The following FMR1 variants were observed in gnomAD, a reference collection of about 807,000 sequenced individuals.
The protein encoded by FMR1 is FMRP translational regulator 1.
A neutral mutation model predicts 50.6 loss-of-function variants in FMR1; 13 were observed. The ratio of observed to expected loss-of-function variants is 0.26; its 90% CI spans 0.17 to 0.41. FMR1 has a LOEUF of 0.41. FMR1 is among the 10% of genes least tolerant of loss of function. The pLI is 1.00. For missense variants in FMR1, 316 were observed against 491.3 expected, an observed-to-expected ratio of 0.64 and a Z score of 3.37; for synonymous variants, 138 against 164.1, an observed-to-expected ratio of 0.84 and a Z score of 1.22.
intron 14 of FMR1, 39 bp from the exon 15 acceptor site, chrX:147,944,828 TTA>T (rs2124571490): frequency 1.7e-6 from 2 of 1,186,394 alleles, no homozygotes; most frequent in Non-Finnish European, 2.3e-6. Flanking sequence ...TTTTTTTTTT[TTA>T]AAGTCAGACA....
chrX:147,925,491 G>A (rs1557177356), intron 2 of FMR1, 49 bp from the exon 3 acceptor site: 2 of 950,953 alleles, frequency 2.1e-6, no homozygotes, highest in South Asian at 3.9e-5. Flanking sequence ...CATTATTTCA[G>A]TTAAACATGA....
intron 2 of FMR1, among the ~76,000 whole-genome samples, chrX:147,922,898 ATGT>A (rs1200334284): frequency 9.0e-6 from 1 of 111,715 alleles, no homozygotes; most frequent in African/African-American, 3.3e-5. Flanking sequence ...GGCAATGAAA[ATGT>A]TGTAAAATTG....
At chrX:147,918,916 C>T (rs782670064) in intron 1 of FMR1, among the ~76,000 whole-genome samples, 61 of 110,620 alleles carry the variant, frequency 5.5e-4, no homozygotes, top group Non-Finnish European at 1.0e-3. Flanking sequence ...GCACATGACC[C>T]GTGGCTACTA....
chrX:147,931,593 T>TA (rs2043610356), intron 7 of FMR1, among the ~76,000 whole-genome samples: 1 of 111,755 alleles, frequency 8.9e-6, no homozygotes, highest in Admixed American at 9.5e-5. Flanking sequence ...GAGCCACTAA[T>TA]ACGTTTGGTT....
chrX:147,936,724 T>A, intron 10 of FMR1, 111 bp downstream of exon 10: 2 of 519,121 alleles, frequency 3.9e-6, no homozygotes, highest in Admixed American at 5.5e-5. Context: ...ATATTCTGAT[T>A]ATCAAGCATG....
chrX:147,933,565 G>A (rs782342838), intron 9 of FMR1: 322 of 894,827 alleles, frequency 3.6e-4, no homozygotes, highest in Non-Finnish European at 4.3e-4. Context: ...ATATTTAGGA[G>A]CTCTTCACCA....
chrX:147,925,300 A>G (rs1414379741), intron 2 of FMR1, among the ~76,000 whole-genome samples: 1 of 112,085 alleles, frequency 8.9e-6, no homozygotes, highest in Non-Finnish European at 1.9e-5. Flanking sequence ...ATGTTGCTGT[A>G]TTGTGTTTAG....
chrX:147,946,930 G>A (rs1279979751), intron 16 of FMR1: 1 of 112,152 alleles, frequency 8.9e-6, no homozygotes, highest in African/African-American at 3.2e-5. Context: ...GTAAATTACT[G>A]TATGTACCTG....
At chrX:147,940,501 A>C in intron 12 of FMR1, 75 bp from the exon 13 acceptor site, 1 of 636,071 alleles carries the variant, frequency 1.6e-6, no homozygotes. Flanking sequence ...GTGCTAGGGA[A>C]TTAGTCGTTA....
At chrX:147,942,045 C>T (rs191026612) in intron 13 of FMR1, among the ~76,000 whole-genome samples, 1 of 112,581 alleles carries the variant, frequency 8.9e-6, no homozygotes, top group Admixed American at 9.4e-5. Context: ...GCAGTCTCTC[C>T]TTTGCTCAAA....
Position 147,948,802 on chromosome X carries a change from C to T in FMR1, c.1857C>T (p.Asp619=), listed in dbSNP as rs45540244. 2,135 of 1,209,663 alleles carry T rather than the reference C, an allele frequency of 1.8e-3. 1 individual carries two copies. The highest frequency in any genetic ancestry group is 2.2e-3 in the Non-Finnish European group (1,978 of 894,917). ...GTAACCAGAAGAAAGAGAAGCCAGA[C>T]AGCGTGGATGGTCAGCAACCACTCG... ...KDRNQKKEKP[D]SVDGQQPLVN... is the part of the protein sequence containing the mutation. Residue 619 remains aspartate, a synonymous_variant, in exon 17 of 17, where the codon GAC becomes GAT. Coordinates refer to ENST00000370475, the MANE Select transcript of FMR1 (RefSeq NM_002024.6).
rs781968725 is a variant in FMR1, at chrX:147,937,621, T to C, written c.1125+21T>C. Reference sequence around the variant, plus strand: ...AGAGGGTAAGAATTACTTGTCACTTTGAATTACAATACAAGTAATTTGTCT... The same window carrying C: ...AGAGGGTAAGAATTACTTGTCACTTCGAATTACAATACAAGTAATTTGTCT... On this transcript the variant is annotated intron_variant, in intron 11 of 16. Transcript: ENST00000370475. The C allele has an allele frequency of 2.1e-5, 15 of 723,418 alleles. 1 individual carries two copies. Among genetic ancestry groups the C allele is most frequent in the East Asian group, 1.6e-4 (5 of 31,319 alleles). The allele number at this position is 723,418 out of a possible 1,213,427, so 59.6% of individuals were successfully genotyped here.
chrX:147,928,104 T>G (rs1557177854), intron 3 of FMR1: 1 of 359,747 alleles, frequency 2.8e-6, no homozygotes, highest in Non-Finnish European at 4.8e-6. Flanking sequence ...AACTGATTTT[T>G]ACAAGGAGCT....
At position 147,928,799 on chromosome X, in the gene FMR1, A is replaced by G; in HGVS notation, c.411A>G (p.Leu137=). 1 of 1,209,987 alleles carries G rather than the reference A, an allele frequency of 8.3e-7. No homozygotes were observed. Among genetic ancestry groups the G allele is most frequent in the Non-Finnish European group, 1.1e-6 (1 of 893,882 alleles). Residue 137 remains leucine, a synonymous_variant, in exon 5 of 17, where the codon TTA becomes TTG. Transcript: ENST00000370475. ...HKIKLDVPED[L]RQMCAKEAAH... is the part of the protein sequence containing the mutation. ...TCAAGCTGGATGTGCCAGAAGACTT[A>G]CGGCAAATGTAAGTTGATACACAAG...
intron 1 of FMR1, 92 bp downstream of exon 1, chrX:147,912,322 C>T (rs2042619835): frequency 1.2e-6 from 1 of 868,091 alleles, no homozygotes; most frequent in Non-Finnish European, 1.6e-6. Flanking sequence ...GGCCCTCTTC[C>T]CGAGCACCGC....
rs2044285047 is a variant in FMR1 at position 147,950,057 on chromosome X, T to C, written c.*1213T>C. On this transcript the variant is annotated 3_prime_UTR_variant, in exon 17 of 17. Transcript: ENST00000370475. ...TTTTTTCTTTTGTTTTTTGAAGTGTTGGGGTTTGGTTTTGTTTTTTGAGTC... is the reference window on the plus strand; with the variant it reads ...TTTTTTCTTTTGTTTTTTGAAGTGTCGGGGTTTGGTTTTGTTTTTTGAGTC... 1 of 323,583 alleles carries C rather than the reference T, an allele frequency of 3.1e-6. No individual in the cohort carries two copies. The highest frequency in any genetic ancestry group is 5.9e-6 in the Non-Finnish European group (1 of 168,549). The allele number at this position is 323,583 out of a possible 1,213,427, so 26.7% of individuals were successfully genotyped here.
At chrX:147,944,698 T>C in intron 14 of FMR1, 171 bp from the exon 15 acceptor site, 1 of 1,051,048 alleles carries the variant, frequency 9.5e-7, no homozygotes, top group Non-Finnish European at 1.2e-6. Context: ...AGCCCTTCAT[T>C]TTGAGTTTAA....
At chrX:147,939,443 T>C (rs1557180257) in intron 12 of FMR1, among the ~76,000 whole-genome samples, 1 of 111,938 alleles carries the variant, frequency 8.9e-6, no homozygotes, top group African/African-American at 3.2e-5. Flanking sequence ...TAAAACTTAA[T>C]GCTTGTCAAT....
At chrX:147,942,192 C>T (rs913517692) in intron 13 of FMR1, among the ~76,000 whole-genome samples, 57 of 112,486 alleles carry the variant, frequency 5.1e-4, no homozygotes, top group Admixed American at 2.1e-3. Flanking sequence ...CTTAGCTTTA[C>T]AGGAGCTTCT....
Sources: gnomAD v4.1 joint callset for allele counts (sites outside exome capture counted in the v4.1 genomes callset) on GRCh38, gnomAD v4.1.1 for gene constraint, MANE v1.5 for transcripts, NCBI Gene and HGNC (gene_info 2026-07-23, HGNC 2026-07-21) for gene names.